Variants in MRAS observed in about 807,000 individuals in gnomAD.
MRAS encodes the protein muscle RAS oncogene homolog.
In MRAS, 4 loss-of-function variants were observed where a neutral mutation model predicts 20.9. The observed-to-expected ratio is 0.19, with a 90% CI of 0.09 to 0.44. MRAS has a LOEUF of 0.44. Among genes scored for constraint, MRAS ranks in the 20% least tolerant of loss-of-function variants. The pLI is 0.99. For missense variants in MRAS, 154 were observed against 277.5 expected (o/e 0.56, Z 3.16); for synonymous variants, 98 against 102.9 (o/e 0.95, Z 0.29).
intron 2 of MRAS, among the ~76,000 whole-genome samples, chr3:138,396,242 T>C (rs774879402): frequency 6.6e-6 from 1 of 152,174 alleles, no homozygotes; most frequent in Non-Finnish European, 1.5e-5. Context: ...GGGCATTACA[T>C]GTATTAACTG....
chr3:138,384,345 T>A (rs2054965961), intron 2 of MRAS, among the ~76,000 whole-genome samples: 1 of 152,044 alleles, frequency 6.6e-6, no homozygotes, highest in Non-Finnish European at 1.5e-5. Flanking sequence ...GAAAGACCAG[T>A]TAAGAAGCTC....
rs1031796130 is a variant in MRAS at position 138,403,569 on chromosome 3, A to G, written c.*1300A>G. 5 of 152,612 alleles carry G rather than the reference A, an allele frequency of 3.3e-5. No homozygotes were observed. Among genetic ancestry groups the G allele is most frequent in the Admixed American group, 2.0e-4 (3 of 15,266 alleles). The allele number at this position is 152,612 out of a possible 1,614,324, so 9.5% of individuals were successfully genotyped here. On this transcript the variant is annotated 3_prime_UTR_variant, in exon 6 of 6. Transcript: ENST00000423968. ...CTGAGAAGTAAGGAAGGCTGGGCTGATGTGTGGCTCTCATATACCTTCTGC... is the reference window on the plus strand; with the variant it reads ...CTGAGAAGTAAGGAAGGCTGGGCTGGTGTGTGGCTCTCATATACCTTCTGC...
intron 1 of MRAS, among the ~76,000 whole-genome samples, chr3:138,361,333 C>T (rs2054442872): frequency 6.6e-6 from 1 of 152,182 alleles, no homozygotes; most frequent in Admixed American, 6.5e-5. Flanking sequence ...TCATGGATGG[C>T]ATTCCAGGAG....
chr3:138,381,219 T>G (rs2054896879), intron 2 of MRAS, among the ~76,000 whole-genome samples: 1 of 152,250 alleles, frequency 6.6e-6, no homozygotes, highest in South Asian at 2.1e-4. Flanking sequence ...TATAAATATC[T>G]GAGTCCCTGC....
At chr3:138,378,386 C>T (rs1387776293) in intron 2 of MRAS, among the ~76,000 whole-genome samples, 1 of 152,226 alleles carries the variant, frequency 6.6e-6, no homozygotes, top group Non-Finnish European at 1.5e-5. Context: ...GCCAGGCTCT[C>T]CTGTGGCTGT....
chr3:138,376,527 A>C (rs140686875), intron 2 of MRAS, among the ~76,000 whole-genome samples: 193 of 152,342 alleles, frequency 1.3e-3, no homozygotes, highest in African/African-American at 4.3e-3. Flanking sequence ...TGACCAAATG[A>C]AAGAATAAAC....
chr3:138,352,546 T>C (rs918395614), intron 1 of MRAS, among the ~76,000 whole-genome samples: 9 of 152,216 alleles, frequency 5.9e-5, no homozygotes, highest in Non-Finnish European at 1.3e-4. Flanking sequence ...TGTATTTTGC[T>C]TCTTAATGTC....
intron 2 of MRAS, among the ~76,000 whole-genome samples, chr3:138,388,851 G>T (rs921937767): frequency 2.0e-5 from 3 of 151,754 alleles, no homozygotes; most frequent in Admixed American, 1.3e-4. Flanking sequence ...TTTTGTTTTT[G>T]TTTTTTTGAG....
rs906728673 is a variant in MRAS at position 138,348,670 on chromosome 3, G to T, written c.-116G>T. 4.6e-5 allele frequency: 7 copies of T among 151,772 alleles called. No individual in the cohort carries two copies. Among genetic ancestry groups the T allele is most frequent in the African/African-American group, 1.4e-4 (6 of 41,504 alleles). 9.4% of individuals were successfully genotyped at this position (151,772 alleles called of 1,614,324 possible). A position where few individuals can be genotyped will look rare whatever the true frequency, so the allele number is the denominator to read the frequency against. On this transcript the variant is annotated 5_prime_UTR_variant, in exon 1 of 6. Transcript: ENST00000423968. Reference sequence around the variant, plus strand: ...GCTGGCGGGGAGCCGTCAGTCCGGCGGCCGCGGGGCCCGGCGGGCGCGACG... The same window carrying T: ...GCTGGCGGGGAGCCGTCAGTCCGGCTGCCGCGGGGCCCGGCGGGCGCGACG...
In MRAS at chr3:138,372,966, C is replaced by T; in HGVS notation, c.83C>T (p.Ala28Val). The T allele has an allele frequency of 6.4e-7, 1 of 1,571,174 alleles. No individual in the cohort carries two copies. Among genetic ancestry groups the T allele is most frequent in the Non-Finnish European group, 8.6e-7 (1 of 1,161,434 alleles). ...VVGDGGVGKS[A>V]LTIQFFQKIF... ...GGGGATGGGGGTGTGGGCAAAAGTG[C>T]CCTCACCATCCAGTTTTTCCAGAAG... Residue 28 changes from alanine to valine, a missense_variant, in exon 2 of 6, where the codon GCC becomes GTC. Transcript: ENST00000423968.
At chr3:138,380,584 T>C (rs910723876) in intron 2 of MRAS, among the ~76,000 whole-genome samples, 2 of 152,154 alleles carry the variant, frequency 1.3e-5, no homozygotes, top group African/African-American at 4.8e-5. Flanking sequence ...GTGCTGGGAT[T>C]ATAGGCGTGA....
intron 1 of MRAS, among the ~76,000 whole-genome samples, chr3:138,367,598 A>G (rs1007620761): frequency 6.6e-6 from 1 of 152,186 alleles, no homozygotes; most frequent in Non-Finnish European, 1.5e-5. Context: ...TTTCAGAAGG[A>G]TGGGTGTGAC....
Position 138,391,494 on chromosome 3 carries a change from C to T in MRAS, c.194-5830C>T, listed in dbSNP as rs373645739. Reference sequence around the variant, plus strand: ...ATCTGAAAGGATTCAAAATCTGAAACTTTTTGAGCGCTTATGTGACGCCAC... The same window carrying T: ...ATCTGAAAGGATTCAAAATCTGAAATTTTTTGAGCGCTTATGTGACGCCAC... On this transcript the variant is annotated intron_variant, in intron 2 of 5. Transcript: ENST00000423968. Among the ~76,000 whole-genome samples the T allele has an allele frequency of 2.6e-5, 4 of 152,294 alleles. No individual in the cohort carries two copies. The East Asian group carries it at 7.7e-4, about 29-fold the overall frequency.
At chr3:138,374,880 G>GATTGT (rs1346430867) in intron 2 of MRAS, among the ~76,000 whole-genome samples, 57 of 152,202 alleles carry the variant, frequency 3.7e-4, no homozygotes, top group African/African-American at 1.4e-3. Context: ...AAATTACATT[G>GATTGT]ATTGTTTTGT....
chr3:138,364,681 G>A (rs2054524494), intron 1 of MRAS, among the ~76,000 whole-genome samples: 1 of 152,198 alleles, frequency 6.6e-6, no homozygotes, highest in Admixed American at 6.5e-5. Flanking sequence ...GCAGCTTGGT[G>A]CCCCCAGCTT....
intron 1 of MRAS, among the ~76,000 whole-genome samples, chr3:138,364,461 A>ACC (rs2108508479): frequency 6.6e-6 from 1 of 152,348 alleles, no homozygotes; most frequent in Admixed American, 6.5e-5. Context: ...AGAAAAGAAA[A>ACC]CCAAAGTACA....
At chr3:138,391,360 G>A (rs1211908427) in intron 2 of MRAS, among the ~76,000 whole-genome samples, 2 of 152,168 alleles carry the variant, frequency 1.3e-5, no homozygotes, top group Admixed American at 6.5e-5. Context: ...TTATAGAGGA[G>A]CATGGCTTTT....
chr3:138,366,953 G>A (rs2054572238), intron 1 of MRAS, among the ~76,000 whole-genome samples: 2 of 152,344 alleles, frequency 1.3e-5, no homozygotes, highest in East Asian at 1.9e-4. Context: ...AGAACAATGG[G>A]TGCAGTGGTT....
At position 138,402,164 on chromosome 3, in the gene MRAS, C is replaced by G; in HGVS notation, c.528-6C>G. The G allele has an allele frequency of 1.2e-6, 2 of 1,613,940 alleles. No individual in the cohort carries two copies. Among genetic ancestry groups the G allele is most frequent in the Non-Finnish European group, 1.7e-6 (2 of 1,179,874 alleles). On this transcript the variant is annotated splice_polypyrimidine_tract_variant and splice_region_variant and intron_variant, in intron 5 of 5. Transcript: ENST00000423968. ...TTTGTCTTTCTGTCCTTCATTGTTT[C>G]AAAAGGCAACAGATTCCGGAAAAAA...
Sources: gnomAD v4.1 joint callset for allele counts (sites outside exome capture counted in the v4.1 genomes callset) on GRCh38, gnomAD v4.1.1 for gene constraint, MANE v1.5 for transcripts, NCBI Gene and HGNC (gene_info 2026-07-23, HGNC 2026-07-21) for gene names.